Variants in FER observed in about 807,000 individuals in gnomAD.
FER encodes the protein tyrosine-protein kinase Fer.
A neutral mutation model predicts 111.0 loss-of-function variants in FER; 63 were observed. The ratio of observed to expected loss-of-function variants is 0.57; its 90% CI spans 0.46 to 0.70. FER has a LOEUF of 0.70. Among genes scored for constraint, FER ranks in the 30% least tolerant of loss-of-function variants. The pLI is 0.00. For synonymous variants in FER, 327 were observed against 313.9 expected (o/e 1.04, Z -0.44); for missense variants, 914 against 954.0 (o/e 0.96, Z 0.55).
At position 109,101,693 on chromosome 5, in the gene FER, A is replaced by G. The variant is rs1262832748; in HGVS notation, c.2048+1174A>G. 2.6e-5 allele frequency among the ~76,000 whole-genome samples: 4 copies of G among 152,096 alleles called. No individual in the cohort carries two copies. In the East Asian group the frequency reaches 5.8e-4, roughly 22 times the overall value. On this transcript the variant is annotated intron_variant, in intron 17 of 19. Transcript: ENST00000281092. ...TCATTGCATTTCTGTTTTACTTTCT[A>G]TGACTGTAGATTGAATCACATGATA...
chr5:108,942,281 A>G lies in FER; in HGVS notation c.1237-3849A>G, dbSNP rs1190199812. Among the ~76,000 whole-genome samples, 7 of 152,264 alleles carry G rather than the reference A, an allele frequency of 4.6e-5. No homozygotes were observed. In the East Asian group the frequency reaches 1.4e-3, roughly 29 times the overall value. ...AAAAGAATGATTTATGACATTTTAC[A>G]ACCTGGATCTCACCGAACTCTATTC... On this transcript the variant is annotated intron_variant, in intron 10 of 19. Transcript: ENST00000281092.
chr5:108,838,641 A>C (rs1459985639), intron 5 of FER, among the ~76,000 whole-genome samples: 3 of 152,142 alleles, frequency 2.0e-5, no homozygotes, highest in African/African-American at 4.8e-5. Flanking sequence ...TTAAATTTTG[A>C]ATGTTAAAAT....
At chr5:109,105,454 C>T (rs1348484566) in intron 17 of FER, among the ~76,000 whole-genome samples, 2 of 151,586 alleles carry the variant, frequency 1.3e-5, no homozygotes, top group East Asian at 3.9e-4. Flanking sequence ...CCTTGGTGCA[C>T]CTTCAAATCA....
At chr5:108,844,162 A>ATGTGTGAACACATGTG (rs1561500947) in intron 5 of FER, among the ~76,000 whole-genome samples, 140 of 96,782 alleles carry the variant, frequency 1.4e-3, no homozygotes, top group Middle Eastern at 5.2e-3. Context: ...GAACATATAT[A>ATGTGTGAACACATGTG]TGTGTGAACA....
Position 109,042,200 on chromosome 5 carries a change from A to G in FER, c.1714-2480A>G, listed in dbSNP as rs866085461. On this transcript the variant is annotated intron_variant, in intron 14 of 19. Transcript: ENST00000281092. Reference sequence around the variant, plus strand: ...CGAGGACCAGGGTCATCTTACATTGACTGACATAAACACAGTCAAGGGGCA... The same window carrying G: ...CGAGGACCAGGGTCATCTTACATTGGCTGACATAAACACAGTCAAGGGGCA... 9.2e-5 allele frequency among the ~76,000 whole-genome samples: 14 copies of G among 152,256 alleles called. No individual in the cohort carries two copies. The South Asian group carries it at 1.2e-3, about 14-fold the overall frequency.
At chr5:108,874,951 G>T (rs1322194526) in intron 8 of FER, among the ~76,000 whole-genome samples, 2 of 152,078 alleles carry the variant, frequency 1.3e-5, no homozygotes, top group South Asian at 2.1e-4. Context: ...ATGTAAGTTG[G>T]TGTATAATTT....
At chr5:109,118,992 T>C (rs1451948703) in intron 17 of FER, among the ~76,000 whole-genome samples, 2 of 152,096 alleles carry the variant, frequency 1.3e-5, no homozygotes, top group African/African-American at 2.4e-5. Flanking sequence ...GAAGGGTTTT[T>C]TGTGTCTCTA....
intron 13 of FER, among the ~76,000 whole-genome samples, chr5:108,961,107 G>A (rs1452838984): frequency 6.6e-6 from 1 of 152,042 alleles, no homozygotes; most frequent in Non-Finnish European, 1.5e-5. Flanking sequence ...TGTTTTGTAT[G>A]CTTAATTATT....
intron 2 of FER, among the ~76,000 whole-genome samples, chr5:108,794,524 G>GCCCC (rs1415651696): frequency 5.2e-4 from 28 of 53,676 alleles, no homozygotes; most frequent in Non-Finnish European, 6.3e-4. Flanking sequence ...TGCCCCCTCC[G>GCCCC]CACCCCCCCC....
chr5:108,926,238 TA>T (rs576682733), intron 10 of FER, among the ~76,000 whole-genome samples: 149 of 151,826 alleles, frequency 9.8e-4, no homozygotes, highest in African/African-American at 3.2e-3. Context: ...TTTTTCTATG[TA>T]TTTTTTTATA....
At chr5:108,759,534 A>G (rs188221453) in intron 1 of FER, among the ~76,000 whole-genome samples, 15 of 152,352 alleles carry the variant, frequency 9.8e-5, no homozygotes, top group East Asian at 1.9e-4. Flanking sequence ...TTGTGCTTCT[A>G]TAACAGAATA....
chr5:108,803,186 G>GT lies in FER; in HGVS notation c.207+4806dup, dbSNP rs554801059. Among the ~76,000 whole-genome samples, 14 of 150,388 alleles carry GT rather than the reference G, an allele frequency of 9.3e-5. No homozygotes were observed. In the South Asian group the frequency reaches 1.1e-3, roughly 11 times the overall value. ...TAATGTCCTATGCCCACTTTTTAATGTTTTTTTTTCTTGATGATTTGTTTA... is the reference window on the plus strand; with the variant it reads ...TAATGTCCTATGCCCACTTTTTAATGTTTTTTTTTTCTTGATGATTTGTTTA... On this transcript the variant is annotated intron_variant, in intron 3 of 19. Coordinates refer to ENST00000281092, the MANE Select transcript of FER (RefSeq NM_005246.4).
At chr5:108,876,707 A>G (rs1303956930) in intron 8 of FER, among the ~76,000 whole-genome samples, 1 of 152,216 alleles carries the variant, frequency 6.6e-6, no homozygotes, top group African/African-American at 2.4e-5. Context: ...TGCTATTGGT[A>G]TTTGGCAGTA....
chr5:109,048,149 T>TA (rs1772263965), intron 16 of FER, among the ~76,000 whole-genome samples: 1 of 152,126 alleles, frequency 6.6e-6, no homozygotes, highest in East Asian at 1.9e-4. Flanking sequence ...AAACATAATA[T>TA]TGTAGACTGC....
At chr5:109,187,348 A>C in intron 19 of FER, 85 bp from the exon 20 acceptor site, 1 of 1,410,930 alleles carries the variant, frequency 7.1e-7, no homozygotes, top group Non-Finnish European at 9.7e-7. Flanking sequence ...AGGTACCAAA[A>C]GTTAATAACT....
rs1311369982 is a variant in FER, at chr5:109,014,568, C to CT, written c.1657-22848dup. Among the ~76,000 whole-genome samples the CT allele has an allele frequency of 2.6e-5, 4 of 151,976 alleles. No homozygotes were observed. The East Asian group carries it at 7.7e-4, about 29-fold the overall frequency. On this transcript the variant is annotated intron_variant, in intron 13 of 19. Transcript: ENST00000281092. ...TAGGATTGACTTGGCGATGTGGGCT[C>CT]TTTTTTGGTTCCATATGAACTTTGA...
At chr5:109,032,363 T>A (rs1304486206) in intron 13 of FER, among the ~76,000 whole-genome samples, 1 of 152,192 alleles carries the variant, frequency 6.6e-6, no homozygotes, top group Non-Finnish European at 1.5e-5. Flanking sequence ...TTACATTTCC[T>A]CCCTGTGCCT....
At chr5:109,090,254 C>T (rs549296156) in intron 16 of FER, among the ~76,000 whole-genome samples, 4 of 152,258 alleles carry the variant, frequency 2.6e-5, no homozygotes, top group Non-Finnish European at 4.4e-5. Flanking sequence ...CAACTGCAAA[C>T]TTCTCTAGGT....
chr5:108,947,232 T>G (rs1368080999), intron 11 of FER, among the ~76,000 whole-genome samples: 1 of 152,074 alleles, frequency 6.6e-6, no homozygotes, highest in Admixed American at 6.6e-5. Context: ...TTCTGGGTTA[T>G]ATGGTAATAA....
Sources: allele counts gnomAD v4.1 joint callset (sites outside exome capture counted in the v4.1 genomes callset), GRCh38; gene constraint gnomAD v4.1.1; transcripts MANE v1.5; gene names NCBI Gene and HGNC (gene_info 2026-07-23, HGNC 2026-07-21).